Variants in SYNPO observed in about 807,000 individuals in gnomAD.
The protein encoded by SYNPO is synaptopodin.
Under a neutral mutation model 49.5 loss-of-function variants are expected in SYNPO, and 19 were observed. That is an observed-to-expected ratio of 0.38 (90% CI 0.27 to 0.56). The LOEUF is 0.56. Ranked by LOEUF, SYNPO falls within the 20% of genes least tolerant of loss-of-function variation. The pLI is 0.68. For missense variants in SYNPO, 1,131 were observed against 1,248.3 expected (o/e 0.91, Z 1.42); for synonymous variants, 536 against 548.0 (o/e 0.98, Z 0.31).
chr5:150,641,543 G>T (rs60744959), intron 1 of SYNPO, among the ~76,000 whole-genome samples: 2,869 of 152,050 alleles, frequency 0.019, 88 homozygotes, highest in African/African-American at 0.066. Flanking sequence ...TCCCTTCCCC[G>T]GCCCCACCTC....
intron 2 of SYNPO, among the ~76,000 whole-genome samples, chr5:150,628,357 C>T (rs74818649): frequency 0.014 from 2,189 of 152,296 alleles, 63 homozygotes; most frequent in South Asian, 0.091. Flanking sequence ...AAAATTCAGT[C>T]TACTCCTAAA....
chr5:150,644,854 G>A (rs1758030897), intron 1 of SYNPO, among the ~76,000 whole-genome samples: 1 of 152,196 alleles, frequency 6.6e-6, no homozygotes, highest in Admixed American at 6.5e-5. Flanking sequence ...ATCTTTAATA[G>A]ATAGGGTGAT....
intron 1 of SYNPO, among the ~76,000 whole-genome samples, chr5:150,616,090 T>A (rs1756977048): frequency 6.6e-6 from 1 of 152,160 alleles, no homozygotes; most frequent in South Asian, 2.1e-4. Flanking sequence ...ATCCGGATGG[T>A]TGTTTGCCTT....
At chr5:150,630,327 G>T (rs777589587) in intron 2 of SYNPO, among the ~76,000 whole-genome samples, 4 of 152,196 alleles carry the variant, frequency 2.6e-5, no homozygotes, top group Non-Finnish European at 5.9e-5. Context: ...TTAGGGAGCA[G>T]CCCAGGGTCA....
chr5:150,640,800 G>A lies in SYNPO; in HGVS notation c.-387G>A, dbSNP rs1757875931. 1 of 985,506 alleles carries A rather than the reference G, an allele frequency of 1.0e-6. No individual in the cohort carries two copies. The highest frequency in any genetic ancestry group is 1.2e-6 in the Non-Finnish European group (1 of 829,956). The allele number at this position is 985,506 out of a possible 1,614,324, so 61.0% of individuals were successfully genotyped here. A position where few individuals can be genotyped will look rare whatever the true frequency, so the allele number is the denominator to read the frequency against. On this transcript the variant is annotated 5_prime_UTR_variant, in exon 1 of 3. Coordinates refer to ENST00000307662, the MANE Select transcript of SYNPO (RefSeq NM_007286.6). ...CCGGAGGCTTTGAGAACCAAGGCTT[G>A]AAGGCCGGCAGGAGCATCCAGGGGG... is the stretch of plus-strand genomic sequence containing the variant.
intron 1 of SYNPO, among the ~76,000 whole-genome samples, chr5:150,605,496 G>A (rs567212520): frequency 6.6e-6 from 1 of 152,214 alleles, no homozygotes; most frequent in South Asian, 2.1e-4. Flanking sequence ...GGAGGGGTGG[G>A]GGCAAGAAGG....
At chr5:150,617,782 G>A (rs1295772925) in intron 1 of SYNPO, 1 of 152,174 alleles carries the variant, frequency 6.6e-6, no homozygotes, top group Non-Finnish European at 1.5e-5. Context: ...TGCATTGGGG[G>A]AAAAGGACTG....
upstream of SYNPO, among the ~76,000 whole-genome samples, chr5:150,599,176 G>A (rs150436628): frequency 6.6e-6 from 1 of 152,356 alleles, no homozygotes; most frequent in African/African-American, 2.4e-5. Flanking sequence ...TGTACCGGGC[G>A]AAGCCCCTCT....
chr5:150,650,515 G>A, intron 2 of SYNPO: 1 of 1,478,740 alleles, frequency 6.8e-7, no homozygotes, highest in Non-Finnish European at 9.0e-7. Context: ...TCTCTGAGCT[G>A]AAGCCGCCCC....
chr5:150,605,087 A>G (rs1413850270), intron 1 of SYNPO, among the ~76,000 whole-genome samples: 5 of 152,182 alleles, frequency 3.3e-5, no homozygotes, highest in Non-Finnish European at 5.9e-5. Context: ...GGCACATAGT[A>G]GGTGCTCAAT....
rs1321506000 is a variant in SYNPO, at chr5:150,648,520, C to G, written c.245C>G (p.Thr82Arg). 3 of 1,614,108 alleles carry G rather than the reference C, an allele frequency of 1.9e-6. No homozygotes were observed. The highest frequency in any genetic ancestry group is 2.5e-6 in the Non-Finnish European group (3 of 1,180,034). Residue 82 changes from threonine (T) to arginine (R), a missense_variant, in exon 2 of 3, where the codon ACA becomes AGA. Thr to Arg is a moderately conservative substitution (Grantham distance 71). This residue lies in a region of SYNPO where 602 missense variants were observed against 720.7 expected (regional missense o/e 0.84). Coordinates refer to ENST00000307662, the MANE Select transcript of SYNPO (RefSeq NM_007286.6). This position sits in a 1 kb window ranked among gnomAD's most constrained non-coding sequence, Gnocchi z 5.0. ...GCCTCGCCCAGTGCCACGCTCACCA[C>G]ACCAACTTCTAACAGCAGCCACAAT... ...NLASPSATLT[T>R]PTSNSSHNPP... is the part of the protein sequence containing the mutation.
upstream of SYNPO, among the ~76,000 whole-genome samples, chr5:150,640,473 G>A (rs984910373): frequency 6.6e-6 from 1 of 152,208 alleles, no homozygotes; most frequent in African/African-American, 2.4e-5. Context: ...TTGAATGCCA[G>A]GATGAGGACT....
chr5:150,615,615 C>T (rs185135431), intron 1 of SYNPO, among the ~76,000 whole-genome samples: 2 of 152,356 alleles, frequency 1.3e-5, no homozygotes, highest in Admixed American at 6.5e-5. Context: ...GCGAAAAGCA[C>T]CTGCCCCAGT....
intron 1 of SYNPO, among the ~76,000 whole-genome samples, chr5:150,616,598 C>G (rs1360342464): frequency 6.6e-6 from 1 of 152,222 alleles, no homozygotes; most frequent in African/African-American, 2.4e-5. Flanking sequence ...CTCTAGACCC[C>G]TATGTGGAAC....
chr5:150,650,037 G>A lies in SYNPO; in HGVS notation c.1762G>A (p.Ala588Thr), dbSNP rs745977525. Residue 588 changes from alanine to threonine, a missense_variant, in exon 2 of 3, where the codon GCC becomes ACC. Physicochemically the swap from Ala to Thr is moderately conservative, Grantham distance 58. Transcript: ENST00000307662. ...KEPAKVSPRA[A>T]SPAKPSSLDL... is the part of the protein sequence containing the mutation. ...GCCTGCCAAGGTCTCACCAAGAGCTGCCTCGCCCGCCAAGCCCAGCTCCTT... is the reference window on the plus strand; with the variant it reads ...GCCTGCCAAGGTCTCACCAAGAGCTACCTCGCCCGCCAAGCCCAGCTCCTT... 3.7e-6 allele frequency: 6 copies of A among 1,612,428 alleles called. No individual in the cohort carries two copies. Among genetic ancestry groups the A allele is most frequent in the Non-Finnish European group, 5.1e-6 (6 of 1,179,982 alleles).
the SYNPO span, among the ~76,000 whole-genome samples, chr5:150,593,661 C>T: frequency 6.6e-6 from 1 of 152,284 alleles, no homozygotes; most frequent in East Asian, 1.9e-4. Context: ...GGTTTTGCCT[C>T]ACTGCCCAGG....
rs1167370100 is a variant in SYNPO at position 150,656,760 on chromosome 5, C to A, written c.2385C>A (p.Pro795=). 2.0e-5 allele frequency: 24 copies of A among 1,216,256 alleles called. No individual in the cohort carries two copies. Among genetic ancestry groups the A allele is most frequent in the South Asian group, 7.4e-5 (2 of 26,868 alleles). 75.3% of individuals were successfully genotyped at this position (1,216,256 alleles called of 1,614,324 possible). A position where few individuals can be genotyped will look rare whatever the true frequency, so the allele number is the denominator to read the frequency against. The change falls in exon 3 of 3, where the codon CCC becomes CCA. Residue 795 remains proline, a synonymous_variant. Coordinates refer to ENST00000307662, the MANE Select transcript of SYNPO (RefSeq NM_007286.6). ...GGGCGCCACCGCCCCCGCCCCCGCC[C>A]CCGCCCCCGCCCCCGCGCATGCGCT... ...PPRAPPPPPP[P]PPPPPRMRSP... is the part of the protein sequence containing the mutation.
intron 2 of SYNPO, among the ~76,000 whole-genome samples, chr5:150,620,859 A>C (rs1242835324): frequency 6.6e-6 from 1 of 151,518 alleles, no homozygotes; most frequent in African/African-American, 2.4e-5. Context: ...TGCCTGGAAC[A>C]GTATGGTTCA....
intron 2 of SYNPO, among the ~76,000 whole-genome samples, chr5:150,634,277 A>G (rs918901702): frequency 3.9e-5 from 6 of 152,206 alleles, no homozygotes; most frequent in African/African-American, 1.4e-4. Context: ...GATCTGGACC[A>G]GAGAGGGGAA....
Sources: gnomAD v4.1 joint callset for allele counts (sites outside exome capture counted in the v4.1 genomes callset) on GRCh38, gnomAD v4.1.1 for gene constraint, gnomAD v4.1.1 regional missense constraint, Gnocchi (gnomAD v3.1) non-coding constraint, MANE v1.5 for transcripts, NCBI Gene and HGNC (gene_info 2026-07-23, HGNC 2026-07-21) for gene names.